The following LZTS1 variants were observed in gnomAD, a reference collection of about 807,000 sequenced individuals.
LZTS1 encodes leucine zipper tumor suppressor 1, also known as leucine zipper putative tumor suppressor 1.
In LZTS1, 31 loss-of-function variants were observed where a neutral mutation model predicts 45.8. That is an observed-to-expected ratio of 0.68 (90% confidence interval 0.51 to 0.91). The LOEUF (loss-of-function observed/expected upper bound fraction) is 0.91. Among genes scored for constraint, LZTS1 ranks in the 40% least tolerant of loss-of-function variants. LZTS1 has a pLI of 0.00. For missense variants in LZTS1, 821 were observed against 788.9 expected (o/e 1.04, Z -0.49); for synonymous variants, 359 against 357.3 (o/e 1.00, Z -0.05).
At chr8:20,300,957 T>C (rs1199563933) in intron 1 of LZTS1, among the ~76,000 whole-genome samples, 2 of 151,788 alleles carry the variant, frequency 1.3e-5, no homozygotes, top group Non-Finnish European at 2.9e-5. Context: ...CCATCTCTAC[T>C]AAAAATATAA....
Position 20,279,654 on chromosome 8 carries a change from C to T in LZTS1, c.-135+24086G>A, listed in dbSNP as rs1274640411. 4.1e-5 allele frequency among the ~76,000 whole-genome samples: 5 copies of T among 123,198 alleles called. No individual in the cohort carries two copies. The Admixed American group carries it at 5.0e-4, about 12-fold the overall frequency. 80.8% of individuals were successfully genotyped at this position (123,198 alleles called of 152,430 possible). A position where few individuals can be genotyped will look rare whatever the true frequency, so the allele number is the denominator to read the frequency against. On this transcript the variant is annotated intron_variant, in intron 1 of 3. Transcript: ENST00000381569. Reference sequence around the variant, plus strand: ...AGTTCCAGGCTGCAGTGAGCTCCAGCCTGGGTGATGGAGCAAGACCCTGTC... The same window carrying T: ...AGTTCCAGGCTGCAGTGAGCTCCAGTCTGGGTGATGGAGCAAGACCCTGTC...
At chr8:20,295,121 G>A (rs1800959506) in intron 1 of LZTS1, among the ~76,000 whole-genome samples, 1 of 152,072 alleles carries the variant, frequency 6.6e-6, no homozygotes. Context: ...TCCTGTCAAG[G>A]TCAGTCTGCC....
intron 1 of LZTS1, among the ~76,000 whole-genome samples, chr8:20,297,545 G>A (rs1800997081): frequency 6.6e-6 from 1 of 152,250 alleles, no homozygotes; most frequent in East Asian, 1.9e-4. Context: ...CTCCTGAGTA[G>A]CTGGGACTAC....
chr8:20,259,507 C>T (rs943746560), intron 1 of LZTS1, among the ~76,000 whole-genome samples: 13 of 152,238 alleles, frequency 8.5e-5, no homozygotes, highest in African/African-American at 2.9e-4. Context: ...TCAGACACAT[C>T]TGAAGCGTCC....
At chr8:20,300,038 G>C (rs530000425) in intron 1 of LZTS1, among the ~76,000 whole-genome samples, 108 of 152,334 alleles carry the variant, frequency 7.1e-4, no homozygotes, top group African/African-American at 2.5e-3. Flanking sequence ...AACTGTGCTT[G>C]TGGGTTGATT....
At chr8:20,285,887 A>C (rs1049818008) in intron 1 of LZTS1, among the ~76,000 whole-genome samples, 2 of 152,236 alleles carry the variant, frequency 1.3e-5, no homozygotes, top group Admixed American at 6.5e-5. Context: ...AGATCACTTG[A>C]TTTATGAAAA....
chr8:20,263,385 C>G (rs1800285986), intron 1 of LZTS1, among the ~76,000 whole-genome samples: 1 of 151,918 alleles, frequency 6.6e-6, no homozygotes, highest in Non-Finnish European at 1.5e-5. Flanking sequence ...GCTGTCAACC[C>G]CCTCTTCAGA....
intron 1 of LZTS1, among the ~76,000 whole-genome samples, chr8:20,299,234 C>A (rs931536993): frequency 2.0e-5 from 3 of 152,216 alleles, no homozygotes; most frequent in Admixed American, 1.3e-4. Context: ...CATCTTGGAG[C>A]CATGAACTTG....
intron 1 of LZTS1, among the ~76,000 whole-genome samples, chr8:20,292,337 T>C (rs1402802869): frequency 6.6e-6 from 1 of 152,228 alleles, no homozygotes; most frequent in Non-Finnish European, 1.5e-5. Context: ...CCCTATGTAG[T>C]GTCGCTCTAT....
chr8:20,289,972 A>G (rs1800871908), intron 1 of LZTS1: 1 of 152,224 alleles, frequency 6.6e-6, no homozygotes, highest in Non-Finnish European at 1.5e-5. Flanking sequence ...GGGAAGTCCC[A>G]TGGCTACCTG....
At chr8:20,284,837 T>C (rs1384345972) in intron 1 of LZTS1, among the ~76,000 whole-genome samples, 1 of 152,220 alleles carries the variant, frequency 6.6e-6, no homozygotes, top group Admixed American at 6.5e-5. Flanking sequence ...CTTATCTGCC[T>C]GATAACCTTT....
chr8:20,263,021 G>A lies in LZTS1; in HGVS notation c.-134-7706C>T, dbSNP rs1000149870. Among the ~76,000 whole-genome samples the A allele has an allele frequency of 2.0e-5, 3 of 152,228 alleles. No individual in the cohort carries two copies. The East Asian group carries it at 5.8e-4, about 29-fold the overall frequency. On this transcript the variant is annotated intron_variant, in intron 1 of 3. Transcript: ENST00000381569. The stretch of plus-strand genomic sequence containing the variant: ...GACTTCAGTAGGGAGAGGAAAAGAA[G>A]TAGGAGCTTAGAAACTATTTTGAAA...
intron 1 of LZTS1, among the ~76,000 whole-genome samples, chr8:20,300,834 G>C (rs1023525564): frequency 6.6e-6 from 1 of 152,128 alleles, no homozygotes; most frequent in African/African-American, 2.4e-5. Context: ...AAAACCCACA[G>C]TGGGGCTGGG....
intron 1 of LZTS1, among the ~76,000 whole-genome samples, chr8:20,273,828 A>G (rs568255532): frequency 1.3e-5 from 2 of 152,274 alleles, no homozygotes; most frequent in Admixed American, 6.5e-5. Context: ...CCCAAAAATA[A>G]AGCCCAAATG....
At chr8:20,286,650 T>C (rs1477755565) in intron 1 of LZTS1, among the ~76,000 whole-genome samples, 2 of 152,178 alleles carry the variant, frequency 1.3e-5, no homozygotes, top group Non-Finnish European at 2.9e-5. Flanking sequence ...GAGGTACACC[T>C]GGCAGAAATG....
chr8:20,287,897 CAA>C lies in LZTS1; in HGVS notation c.-135+15841_-135+15842del, dbSNP rs34653802. 7.2e-3 allele frequency among the ~76,000 whole-genome samples: 391 copies of C among 54,082 alleles called. 3 individuals carry two copies. Among genetic ancestry groups the C allele is most frequent in the African/African-American group, 0.027 (364 of 13,352 alleles). 35.5% of individuals were successfully genotyped at this position (54,082 alleles called of 152,430 possible). On this transcript the variant is annotated intron_variant, in intron 1 of 3. Coordinates refer to ENST00000381569, the MANE Select transcript of LZTS1 (RefSeq NM_021020.5). The stretch of plus-strand genomic sequence containing the variant: ...GCTAATCACGCCAAAGCACTCCAGC[CAA>C]AAAAAAAAAAAAAAAAAAAAAAGGT...
chr8:20,255,477 A>G (rs1800076498), intron 1 of LZTS1, among the ~76,000 whole-genome samples, 162 bp from the exon 2 acceptor site: 1 of 152,190 alleles, frequency 6.6e-6, no homozygotes, highest in Non-Finnish European at 1.5e-5. Context: ...TGATAATTCA[A>G]CAAACATTCA....
chr8:20,255,313 G>T lies in LZTS1; in HGVS notation c.-132C>A. 1.4e-6 allele frequency: 2 copies of T among 1,441,100 alleles called. No homozygotes were observed. The highest frequency in any genetic ancestry group is 1.8e-6 in the Non-Finnish European group (2 of 1,103,178). The allele number at this position is 1,441,100 out of a possible 1,614,324, so 89.3% of individuals were successfully genotyped here. The stretch of plus-strand genomic sequence containing the variant: ...CCTCACAGAGCCTGCGAGAGCCGTA[G>T]ACCTGGAAGAAGACACAAGACAGAA... On this transcript the variant is annotated splice_region_variant and 5_prime_UTR_variant, in exon 2 of 4. Coordinates refer to ENST00000381569, the MANE Select transcript of LZTS1 (RefSeq NM_021020.5).
Position 20,254,975 on chromosome 8 carries a change from C to G in LZTS1, c.207G>C (p.Lys69Asn). The change falls in exon 2 of 4, where the codon AAG (lysine) becomes AAC (asparagine). Residue 69 changes from lysine to asparagine, a missense_variant. Physicochemically the swap from Lys to Asn is moderately conservative, Grantham distance 94. Transcript: ENST00000381569. ...MGKSEDFFYI[K>N]VSQKARGSHH... is the part of the protein sequence containing the mutation. ...GGGAGCCCCGGGCTTTCTGGCTGAC[C>G]TTGATGTAGAAGAAGTCTTCGCTCT... 6.2e-7 allele frequency: 1 copy of G among 1,614,186 alleles called. No individual in the cohort carries two copies. Among genetic ancestry groups the G allele is most frequent in the South Asian group, 1.1e-5 (1 of 91,084 alleles).
Sources: allele counts gnomAD v4.1 joint callset (sites outside exome capture counted in the v4.1 genomes callset), GRCh38; gene constraint gnomAD v4.1.1; transcripts MANE v1.5; gene names NCBI Gene and HGNC (gene_info 2026-07-23, HGNC 2026-07-21).